ARIH2: variants seen among roughly 807,000 people sequenced by gnomAD.
ARIH2 encodes the protein ariadne RBR E3 ubiquitin protein ligase 2.
A neutral mutation model predicts 79.8 loss-of-function variants in ARIH2; 12 were observed. The observed-to-expected ratio is 0.15, with a 90% CI of 0.10 to 0.24. The LOEUF is 0.24. Among genes scored for constraint, ARIH2 ranks in the 10% least tolerant of loss-of-function variants. The pLI is 1.00. For missense variants in ARIH2, 301 were observed against 618.3 expected (o/e 0.49, Z 5.44); for synonymous variants, 224 against 213.9 (o/e 1.05, Z -0.41).
At chr3:48,941,844 A>G (rs2088313655) in intron 3 of ARIH2, among the ~76,000 whole-genome samples, 1 of 150,722 alleles carries the variant, frequency 6.6e-6, no homozygotes, top group African/African-American at 2.4e-5. Flanking sequence ...CGGCCTCCCA[A>G]AGTGCTGAGA....
At chr3:48,966,516 T>TC (rs936354218) in intron 5 of ARIH2, among the ~76,000 whole-genome samples, 20 of 148,380 alleles carry the variant, frequency 1.3e-4, no homozygotes, top group Admixed American at 4.8e-4. Flanking sequence ...TGTCTCCACA[T>TC]CCCCCCCGCC....
At chr3:48,981,561 GC>G in intron 13 of ARIH2, 98 bp from the exon 14 acceptor site, 1 of 919,912 alleles carries the variant, frequency 1.1e-6, no homozygotes, top group Non-Finnish European at 1.7e-6. Flanking sequence ...ATAGAGCTGG[GC>G]TAATTTGCAT....
chr3:48,931,302 A>G (rs1416107492), intron 3 of ARIH2, among the ~76,000 whole-genome samples: 1 of 151,860 alleles, frequency 6.6e-6, no homozygotes, highest in Non-Finnish European at 1.5e-5. Flanking sequence ...TCCCAGCACT[A>G]TGGGAGGCCG....
intron 8 of ARIH2, 198 bp from the exon 9 acceptor site, chr3:48,973,501 C>T (rs771443078): frequency 2.6e-5 from 11 of 418,212 alleles, no homozygotes; most frequent in African/African-American, 1.6e-4. Flanking sequence ...GGCATGAACC[C>T]GGGAGGCAGA....
chr3:48,925,560 C>G (rs1334689868), intron 2 of ARIH2, among the ~76,000 whole-genome samples: 1 of 151,772 alleles, frequency 6.6e-6, no homozygotes, highest in Non-Finnish European at 1.5e-5. Flanking sequence ...CACCCTCAGT[C>G]TTTGTTTTAG....
At chr3:48,936,260 CCCCAAAGAGGG>C (rs2087104260) in intron 3 of ARIH2, among the ~76,000 whole-genome samples, 1 of 151,908 alleles carries the variant, frequency 6.6e-6, no homozygotes, top group South Asian at 2.1e-4. Context: ...GATTTGTCTT[CCCCAAAGAGGG>C]AAGAATTGTA....
At chr3:48,983,118 C>T (rs890412581) in intron 15 of ARIH2, 81 bp from the exon 16 acceptor site, 30 of 1,555,794 alleles carry the variant, frequency 1.9e-5, no homozygotes, top group Non-Finnish European at 2.3e-5. Context: ...CTTGGAGGTC[C>T]TGGAGGGTGT....
intron 13 of ARIH2, among the ~76,000 whole-genome samples, chr3:48,981,000 G>A (rs1267801574): frequency 8.7e-5 from 6 of 69,336 alleles, no homozygotes; most frequent in East Asian, 5.6e-4. Flanking sequence ...CAGCCTGGGT[G>A]ACAAAGCAAG....
intron 3 of ARIH2, among the ~76,000 whole-genome samples, chr3:48,950,705 G>GT (rs2089834816): frequency 6.6e-6 from 1 of 152,086 alleles, no homozygotes; most frequent in East Asian, 1.9e-4. Context: ...GAGATGTGCC[G>GT]TAAGTCTAAA....
intron 3 of ARIH2, among the ~76,000 whole-genome samples, chr3:48,955,451 G>A (rs749343073): frequency 2.0e-5 from 3 of 151,912 alleles, no homozygotes; most frequent in Non-Finnish European, 4.4e-5. Flanking sequence ...ACTACCAACA[G>A]GTTGTTAGCT....
chr3:48,935,519 T>A (rs2086983322), intron 3 of ARIH2, among the ~76,000 whole-genome samples: 1 of 152,230 alleles, frequency 6.6e-6, no homozygotes, highest in Admixed American at 6.5e-5. Context: ...ATATGACTTT[T>A]ATGTCTGTTG....
chr3:48,936,963 G>A (rs2087238959), intron 3 of ARIH2, among the ~76,000 whole-genome samples: 1 of 151,942 alleles, frequency 6.6e-6, no homozygotes, highest in Non-Finnish European at 1.5e-5. Context: ...GGGAGGTGGA[G>A]CTTGCGGTGA....
chr3:48,947,785 T>C (rs1214836379), intron 3 of ARIH2, among the ~76,000 whole-genome samples: 2 of 152,196 alleles, frequency 1.3e-5, no homozygotes, highest in African/African-American at 2.4e-5. Flanking sequence ...TTTAAATAAT[T>C]GTACAGTGGA....
intron 1 of ARIH2, among the ~76,000 whole-genome samples, chr3:48,922,097 T>A (rs960830004): frequency 3.3e-5 from 5 of 152,074 alleles, no homozygotes; most frequent in African/African-American, 9.7e-5. Flanking sequence ...TTGTGGTAGT[T>A]GAGAATCTGA....
At chr3:48,919,214 G>C (rs951197449) in intron 1 of ARIH2, 1 of 1,272,010 alleles carries the variant, frequency 7.9e-7, no homozygotes, top group Non-Finnish European at 9.9e-7. Flanking sequence ...CGCCTTCTCA[G>C]CTCTCGGAAA....
intron 1 of ARIH2, chr3:48,919,282 T>C (rs1576022515): frequency 1.9e-6 from 2 of 1,071,256 alleles, no homozygotes; most frequent in East Asian, 6.6e-5. Context: ...CCTCTCTCCC[T>C]GTCTGGCGCG....
intron 3 of ARIH2, among the ~76,000 whole-genome samples, chr3:48,944,301 C>T (rs771620697): frequency 2.0e-5 from 3 of 151,704 alleles, no homozygotes; most frequent in African/African-American, 7.3e-5. Flanking sequence ...AAAAAAATAC[C>T]CTTATGGTCA....
chr3:48,956,688 G>A (rs1182038269), intron 3 of ARIH2, among the ~76,000 whole-genome samples: 3 of 149,416 alleles, frequency 2.0e-5, no homozygotes, highest in Non-Finnish European at 1.5e-5. Flanking sequence ...GTGTGTGTGT[G>A]TGTGTGTGTA....
At chr3:48,958,677 C>G (rs2090892845) in intron 3 of ARIH2, among the ~76,000 whole-genome samples, 1 of 151,908 alleles carries the variant, frequency 6.6e-6, no homozygotes, top group African/African-American at 2.4e-5. Flanking sequence ...CCACTGCACT[C>G]CAGCCAGGGC....
Sources: allele counts gnomAD v4.1 joint callset (sites outside exome capture counted in the v4.1 genomes callset), GRCh38; gene constraint gnomAD v4.1.1; transcripts MANE v1.5; gene names NCBI Gene and HGNC (gene_info 2026-07-23, HGNC 2026-07-21).